NKAIN3: variants seen among roughly 807,000 people sequenced by gnomAD.
NKAIN3 encodes sodium/potassium transporting ATPase interacting 3, also known as sodium/potassium-transporting ATPase subunit beta-1-interacting protein 3.
Under a neutral mutation model 30.2 loss-of-function variants are expected in NKAIN3, and 25 were observed. The ratio of observed to expected loss-of-function variants is 0.83; its 90% CI spans 0.60 to 1.16. The LOEUF is 1.16. Among genes scored for constraint, NKAIN3 ranks in the 50% most tolerant of loss-of-function variants. The pLI is 0.00. For synonymous variants in NKAIN3, 91 were observed against 89.6 expected, an observed-to-expected ratio of 1.02 and a Z score of -0.09; for missense variants, 225 against 254.1, an observed-to-expected ratio of 0.89 and a Z score of 0.78.
intron 4 of NKAIN3, among the ~76,000 whole-genome samples, chr8:62,830,237 C>G (rs1235586413): frequency 1.3e-5 from 2 of 152,104 alleles, no homozygotes; most frequent in Admixed American, 6.6e-5. Flanking sequence ...TCACCTGGCT[C>G]AACATTTTCT....
At chr8:62,836,726 T>C (rs914692744) in intron 4 of NKAIN3, among the ~76,000 whole-genome samples, 1 of 152,224 alleles carries the variant, frequency 6.6e-6, no homozygotes, top group Admixed American at 6.6e-5. Flanking sequence ...CATCCTGTTA[T>C]GCTTTGGCTC....
intron 4 of NKAIN3, among the ~76,000 whole-genome samples, chr8:62,896,427 G>A (rs1284310753): frequency 5.3e-5 from 8 of 152,102 alleles, no homozygotes; most frequent in Admixed American, 6.6e-5. Context: ...CAGTAGCTAG[G>A]CTAAGGGCTG....
chr8:62,797,479 C>A (rs1817898193), intron 4 of NKAIN3, among the ~76,000 whole-genome samples: 1 of 152,130 alleles, frequency 6.6e-6, no homozygotes, highest in Middle Eastern at 3.2e-3. Flanking sequence ...ATGAACGATG[C>A]AAAATGGAGT....
chr8:62,540,863 T>A (rs1045050932), intron 1 of NKAIN3, among the ~76,000 whole-genome samples: 11 of 152,226 alleles, frequency 7.2e-5, no homozygotes, highest in African/African-American at 2.7e-4. Context: ...GATGTTTTGT[T>A]TTTTCTTAGA....
chr8:62,270,238 A>C (rs868336327), intron 1 of NKAIN3, among the ~76,000 whole-genome samples: 1 of 151,910 alleles, frequency 6.6e-6, no homozygotes, highest in African/African-American at 2.4e-5. Context: ...TGTGACCACA[A>C]CCAACAAAGT....
intron 3 of NKAIN3, among the ~76,000 whole-genome samples, chr8:62,611,493 T>C (rs1586007256): frequency 6.6e-6 from 1 of 152,176 alleles, no homozygotes; most frequent in African/African-American, 2.4e-5. Context: ...TATGTCCATA[T>C]ATTCAATTGT....
At chr8:62,345,655 A>G (rs954401225) in intron 1 of NKAIN3, among the ~76,000 whole-genome samples, 4 of 150,066 alleles carry the variant, frequency 2.7e-5, no homozygotes, top group Non-Finnish European at 5.9e-5. Flanking sequence ...ATACACATAT[A>G]TACATATGTA....
At chr8:62,476,702 G>A (rs1049300278) in intron 1 of NKAIN3, among the ~76,000 whole-genome samples, 1 of 152,134 alleles carries the variant, frequency 6.6e-6, no homozygotes, top group East Asian at 1.9e-4. Flanking sequence ...TGATCCTCCC[G>A]CCTCTGCCTC....
intron 1 of NKAIN3, chr8:62,473,985 T>C (rs1313856062): frequency 2.0e-5 from 3 of 152,212 alleles, no homozygotes; most frequent in Non-Finnish European, 4.4e-5. Flanking sequence ...GTCACTGTTT[T>C]GTATCGAGCA....
intron 1 of NKAIN3, among the ~76,000 whole-genome samples, chr8:62,556,463 A>G (rs1809388514): frequency 6.6e-6 from 1 of 151,832 alleles, no homozygotes; most frequent in South Asian, 2.1e-4. Context: ...GATAATAGAA[A>G]CACAACTAAA....
intron 3 of NKAIN3, among the ~76,000 whole-genome samples, chr8:62,744,010 G>C (rs561636209): frequency 6.6e-6 from 1 of 152,282 alleles, no homozygotes; most frequent in South Asian, 2.1e-4. Context: ...TTTATGGCCA[G>C]CTGTGGGAGA....
At chr8:62,841,648 C>T (rs1294669621) in intron 4 of NKAIN3, among the ~76,000 whole-genome samples, 2 of 152,144 alleles carry the variant, frequency 1.3e-5, no homozygotes, top group Admixed American at 6.6e-5. Flanking sequence ...TCCCAAATGA[C>T]AGAATTTCAT....
intron 1 of NKAIN3, among the ~76,000 whole-genome samples, chr8:62,442,106 T>C (rs181063325): frequency 5.3e-5 from 8 of 152,204 alleles, no homozygotes; most frequent in Admixed American, 1.3e-4. Flanking sequence ...AAAGCTAATT[T>C]AATTAATCTG....
chr8:62,254,555 A>C (rs541435164), intron 1 of NKAIN3, among the ~76,000 whole-genome samples: 6 of 152,210 alleles, frequency 3.9e-5, no homozygotes, highest in African/African-American at 1.4e-4. Flanking sequence ...AACACAAAAA[A>C]CATAGAGCTG....
Position 62,803,827 on chromosome 8 carries a change from T to C in NKAIN3, c.471+56698T>C, listed in dbSNP as rs189818258. Among the ~76,000 whole-genome samples the C allele has an allele frequency of 4.5e-3, 686 of 152,246 alleles. 3 individuals carry two copies. Among genetic ancestry groups the C allele is most frequent in the Middle Eastern group, 0.034 (10 of 294 alleles). ...TTAAAAAATTAATGAATCCAGGAGC[T>C]GGTTTTTTGAAAGGATCAACAAAAT... is the stretch of plus-strand genomic sequence containing the variant. On this transcript the variant is annotated intron_variant, in intron 4 of 6. Transcript: ENST00000623646.
At chr8:62,810,457 A>C (rs1818451608) in intron 4 of NKAIN3, among the ~76,000 whole-genome samples, 1 of 152,104 alleles carries the variant, frequency 6.6e-6, no homozygotes, top group Admixed American at 6.6e-5. Flanking sequence ...CTTTAAGGAC[A>C]ACCACAAGTC....
intron 3 of NKAIN3, among the ~76,000 whole-genome samples, chr8:62,667,464 CTT>C (rs1813161497): frequency 6.6e-6 from 1 of 150,468 alleles, no homozygotes; most frequent in Non-Finnish European, 1.5e-5. Context: ...GATCGCCACA[CTT>C]TATGCAGTAA....
At chr8:62,353,179 A>G (rs1432863911) in intron 1 of NKAIN3, among the ~76,000 whole-genome samples, 2 of 152,234 alleles carry the variant, frequency 1.3e-5, no homozygotes, top group African/African-American at 2.4e-5. Flanking sequence ...GCAGTGGTAC[A>G]TATACCCAGG....
chr8:62,592,789 A>G (rs1810694184), intron 3 of NKAIN3, among the ~76,000 whole-genome samples: 1 of 152,012 alleles, frequency 6.6e-6, no homozygotes. Context: ...ATCAGAAGAA[A>G]ACCTCTGTGG....
Sources: allele counts gnomAD v4.1 joint callset (sites outside exome capture counted in the v4.1 genomes callset), GRCh38; gene constraint gnomAD v4.1.1; transcripts MANE v1.5; gene names NCBI Gene and HGNC (gene_info 2026-07-23, HGNC 2026-07-21).